Variants in KIAA0319 observed in about 807,000 individuals in gnomAD.
KIAA0319 encodes KIAA0319.
A neutral mutation model predicts 108.4 loss-of-function variants in KIAA0319; 83 were observed. The observed-to-expected ratio is 0.77, with a 90% CI of 0.64 to 0.92. The LOEUF (loss-of-function observed/expected upper bound fraction) is 0.92. KIAA0319 is among the 40% of genes least tolerant of loss of function. The probability of loss-of-function intolerance (pLI) is 0.00; values close to 1 mark genes in which losing one functional copy is unlikely to be tolerated. For synonymous variants in KIAA0319, 484 were observed against 510.4 expected, an observed-to-expected ratio of 0.95 and a Z score of 0.70; for missense variants, 1,195 against 1,322.4, an observed-to-expected ratio of 0.90 and a Z score of 1.49.
chr6:24,601,710 A>C (rs1770649837), intron 1 of KIAA0319, among the ~76,000 whole-genome samples: 1 of 152,208 alleles, frequency 6.6e-6, no homozygotes, highest in South Asian at 2.1e-4. Flanking sequence ...AAGTTGGAAG[A>C]AGGGATAAAA....
chr6:24,541,481 C>T (rs1760190337), downstream of KIAA0319, among the ~76,000 whole-genome samples: 1 of 152,228 alleles, frequency 6.6e-6, no homozygotes, highest in African/African-American at 2.4e-5. Flanking sequence ...AGAGCTTCAA[C>T]CTATGAATTT....
chr6:24,638,487 G>A (rs538796205), intron 1 of KIAA0319, among the ~76,000 whole-genome samples: 29 of 152,244 alleles, frequency 1.9e-4, no homozygotes, highest in South Asian at 1.2e-3. Flanking sequence ...GCAGCCGGGC[G>A]TGGTGGCTCC....
At chr6:24,563,660 A>G in intron 15 of KIAA0319, 142 bp from the exon 16 acceptor site, 1 of 655,490 alleles carries the variant, frequency 1.5e-6, no homozygotes, top group Non-Finnish European at 2.4e-6. Context: ...AAATTCTTCT[A>G]AACACCGCAA....
intron 10 of KIAA0319, 73 bp downstream of exon 10, chr6:24,576,295 C>T (rs1401493201): frequency 1.7e-6 from 2 of 1,200,308 alleles, no homozygotes; most frequent in Non-Finnish European, 2.5e-6. Flanking sequence ...CTGCCTACCC[C>T]AACCAATAGC....
intron 20 of KIAA0319, among the ~76,000 whole-genome samples, chr6:24,549,326 CAA>C (rs35975247): frequency 0.21 from 24,399 of 115,230 alleles, 2,598 homozygotes; most frequent in African/African-American, 0.35. Context: ...ACTCTGTCTC[CAA>C]AAAAAAAAAA....
intron 20 of KIAA0319, among the ~76,000 whole-genome samples, chr6:24,551,145 A>ATTTTT: frequency 6.9e-6 from 1 of 145,734 alleles, no homozygotes; most frequent in Non-Finnish European, 1.5e-5. Context: ...CGCCCGGCTA[A>ATTTTT]TTTTTTTTTT....
intron 1 of KIAA0319, among the ~76,000 whole-genome samples, chr6:24,604,147 A>G (rs1771073229): frequency 6.6e-6 from 1 of 152,224 alleles, no homozygotes; most frequent in Non-Finnish European, 1.5e-5. Flanking sequence ...AGCATTTCAT[A>G]ACATTCATGC....
In KIAA0319 at chr6:24,563,483, G is replaced by T. The variant is rs1460389748; in HGVS notation, c.2467C>A (p.Gln823Lys). 1 of 1,612,624 alleles carries T rather than the reference G, an allele frequency of 6.2e-7. No individual in the cohort carries two copies. The highest frequency in any genetic ancestry group is 2.2e-5 in the East Asian group (1 of 44,848). ...RKSGLVELTLQVGVGQLTEQR... is the reference protein window; with the variant it reads ...RKSGLVELTLKVGVGQLTEQR... ...TCTGTCAGCTGCCCAACACCAACCT[G>T]CAGGGTCAGCTCCACCAGGCCACTC... The change falls in exon 16 of 21, where the codon CAG (glutamine) becomes AAG (lysine). Residue 823 changes from glutamine to lysine, a missense_variant. Physicochemically the swap from Gln to Lys is moderately conservative, Grantham distance 53. Coordinates refer to ENST00000378214, the MANE Select transcript of KIAA0319 (RefSeq NM_014809.4).
At chr6:24,594,402 T>G (rs12213116) in intron 3 of KIAA0319, among the ~76,000 whole-genome samples, 5,182 of 149,984 alleles carry the variant, frequency 0.035, 139 homozygotes, top group Middle Eastern at 0.085. Flanking sequence ...GAGGTGGGGG[T>G]ATCATTTGAG....
intron 1 of KIAA0319, among the ~76,000 whole-genome samples, chr6:24,608,486 T>C (rs1313903785): frequency 6.6e-6 from 1 of 151,918 alleles, no homozygotes; most frequent in Non-Finnish European, 1.5e-5. Flanking sequence ...ATGAGATAAT[T>C]GAGGGAAAAC....
intron 16 of KIAA0319, among the ~76,000 whole-genome samples, chr6:24,560,084 C>T (rs545359852): frequency 1.1e-4 from 16 of 152,230 alleles, no homozygotes; most frequent in African/African-American, 3.9e-4. Context: ...GAATATATCA[C>T]ATTTTGTATC....
chr6:24,540,220 A>G (rs1561884499), downstream of KIAA0319, among the ~76,000 whole-genome samples: 1 of 81,582 alleles, frequency 1.2e-5, no homozygotes, highest in East Asian at 2.3e-4. Flanking sequence ...TAGCATAGTC[A>G]CTTATTATAT....
rs763089454 is a variant in KIAA0319, at chr6:24,596,528, G to C, written c.146C>G (p.Ser49Cys). 1 of 1,613,918 alleles carries C rather than the reference G, an allele frequency of 6.2e-7. No individual in the cohort carries two copies. The highest frequency in any genetic ancestry group is 1.3e-5 in the African/African-American group (1 of 74,930). ...GCAGTCTACGACAGGGAAGGTGTGA[G>C]ACACCCGCATGATTCTGGTGGTTTC... Reference protein sequence around the residue: ...NLETTRIMRVSHTFPVVDCTA... With the variant: ...NLETTRIMRVCHTFPVVDCTA... Residue 49 changes from serine to cysteine, a missense_variant, in exon 3 of 21, where the codon TCT (serine) becomes TGT (cysteine). Coordinates refer to ENST00000378214, the MANE Select transcript of KIAA0319 (RefSeq NM_014809.4).
chr6:24,577,222 A>T (rs1765678525), intron 9 of KIAA0319, among the ~76,000 whole-genome samples: 2 of 152,116 alleles, frequency 1.3e-5, no homozygotes, highest in Non-Finnish European at 2.9e-5. Context: ...CACAGATGCC[A>T]CTCTCTTAAC....
At chr6:24,608,919 A>C (rs1451598952) in intron 1 of KIAA0319, among the ~76,000 whole-genome samples, 1 of 112,702 alleles carries the variant, frequency 8.9e-6, no homozygotes, top group East Asian at 2.9e-4. Context: ...CGACAGAGGG[A>C]GACTCCGTCT....
intron 3 of KIAA0319, among the ~76,000 whole-genome samples, chr6:24,594,197 T>A (rs1769013148): frequency 3.3e-5 from 1 of 30,258 alleles, no homozygotes; most frequent in Non-Finnish European, 5.5e-5. Flanking sequence ...AGACTCTGTC[T>A]CAAAAAAAAA....
rs183628910 is a variant in KIAA0319 at position 24,544,415 on chromosome 6, G to A, written c.*2750C>T. The stretch of plus-strand genomic sequence containing the variant: ...TTAGAAATACCTTGTCAACACATAG[G>A]GAAAAATAATATATTTTAAGCAATA... On this transcript the variant is annotated 3_prime_UTR_variant, in exon 21 of 21. Transcript: ENST00000378214. 35 of 152,030 alleles carry A rather than the reference G, an allele frequency of 2.3e-4. No individual in the cohort carries two copies. The highest frequency in any genetic ancestry group is 7.2e-4 in the African/African-American group (30 of 41,488). The allele number at this position is 152,030 out of a possible 1,614,324, so 9.4% of individuals were successfully genotyped here. A position where few individuals can be genotyped will look rare whatever the true frequency, so the allele number is the denominator to read the frequency against.
In KIAA0319 at chr6:24,569,942, T is replaced by C. The variant is rs547637543; in HGVS notation, c.1952A>G (p.Asp651Gly). The C allele has an allele frequency of 3.7e-6, 6 of 1,614,174 alleles. No homozygotes were observed. The South Asian group carries it at 5.5e-5, about 15-fold the overall frequency. ...SATLDGSSSS[D>G]DHGIVFYHWE... is the part of the protein sequence containing the mutation. ...GTGGTAGAAGACAATGCCGTGGTCA[T>C]CGCTGCTGCTGCTCCCATCCAGGGT... Residue 651 changes from aspartate to glycine, a missense_variant, in exon 12 of 21, where the codon GAT (aspartate) becomes GGT (glycine). Asp to Gly is a moderately conservative substitution (Grantham distance 94). Transcript: ENST00000378214.
At chr6:24,557,132 G>T (rs1324349386) in intron 17 of KIAA0319, among the ~76,000 whole-genome samples, 1 of 152,120 alleles carries the variant, frequency 6.6e-6, no homozygotes, top group Admixed American at 6.5e-5. Context: ...TTCAACCAGG[G>T]AGTTGGAGGT....
Sources: allele counts gnomAD v4.1 joint callset (sites outside exome capture counted in the v4.1 genomes callset), GRCh38; gene constraint gnomAD v4.1.1; transcripts MANE v1.5; gene names NCBI Gene and HGNC (gene_info 2026-07-23, HGNC 2026-07-21).